The following PUM2 variants were observed in gnomAD, a reference collection of about 807,000 sequenced individuals.
PUM2 encodes the protein pumilio RNA binding family member 2.
A neutral mutation model predicts 124.5 loss-of-function variants in PUM2; 57 were observed. The ratio of observed to expected loss-of-function variants is 0.46; its 90% CI spans 0.37 to 0.57. The LOEUF is 0.57. Ranked by LOEUF, PUM2 falls within the 20% of genes least tolerant of loss-of-function variation. PUM2 has a pLI of 0.00. For synonymous variants in PUM2, 460 were observed against 446.1 expected (o/e 1.03, Z -0.39); for missense variants, 1,065 against 1,290.6 (o/e 0.83, Z 2.68).
Position 20,256,084 on chromosome 2 carries a change from T to C in PUM2, c.2571A>G (p.Glu857=). The part of the protein sequence containing the change: ...NGNHVVQKCI[E]CVQPQSLQFI... The stretch of plus-strand genomic sequence containing the variant: ...ACTGTAGTGACTGTGGCTGAACACA[T>C]TCGATACATTTTTGTACAACATGGT... The change falls in exon 17 of 21, where the codon GAA becomes GAG. Residue 857 remains glutamate, a synonymous_variant. Coordinates refer to ENST00000361078, the MANE Select transcript of PUM2 (RefSeq NM_015317.5). The C allele has an allele frequency of 6.2e-7, 1 of 1,601,884 alleles. No homozygotes were observed. The highest frequency in any genetic ancestry group is 8.5e-7 in the Non-Finnish European group (1 of 1,175,844).
chr2:20,349,233 C>A (rs1464500900), intron 1 of PUM2, among the ~76,000 whole-genome samples: 1 of 152,140 alleles, frequency 6.6e-6, no homozygotes, highest in Non-Finnish European at 1.5e-5. Context: ...AATAGCTAGA[C>A]CTGTAAACAA....
rs1220266539 is a variant in PUM2, at chr2:20,249,863, A to G, written c.*1722T>C. 1.3e-5 allele frequency: 2 copies of G among 152,652 alleles called. No individual in the cohort carries two copies. The highest frequency in any genetic ancestry group is 4.8e-5 in the African/African-American group (2 of 41,468). The allele number at this position is 152,652 out of a possible 1,614,324, so 9.5% of individuals were successfully genotyped here. ...TTTTTTCCAAAATATTTTCATAGGC[A>G]AAGGATTAAAAACGATTTTAATTAT... On this transcript the variant is annotated 3_prime_UTR_variant, in exon 21 of 21. Transcript: ENST00000361078.
At chr2:20,260,974 G>A (rs1403133273) in intron 14 of PUM2, among the ~76,000 whole-genome samples, 5 of 152,130 alleles carry the variant, frequency 3.3e-5, no homozygotes, top group Non-Finnish European at 7.4e-5. Context: ...CATATACAAT[G>A]GTGGTCCCAT....
At chr2:20,345,609 C>T (rs1324959185) in intron 1 of PUM2, among the ~76,000 whole-genome samples, 2 of 152,160 alleles carry the variant, frequency 1.3e-5, no homozygotes, top group Non-Finnish European at 2.9e-5. Flanking sequence ...CACAGTGGCT[C>T]ACGCCTGTAA....
At position 20,254,941 on chromosome 2, in the gene PUM2, C is replaced by G; in HGVS notation, c.2792G>C (p.Gly931Ala). 6.2e-7 allele frequency: 1 copy of G among 1,613,794 alleles called. No homozygotes were observed. The highest frequency in any genetic ancestry group is 8.5e-7 in the Non-Finnish European group (1 of 1,179,770). The change falls in exon 19 of 21, where the codon GGT becomes GCT. Residue 931 changes from glycine (G) to alanine (A), a missense_variant. This residue lies in a region of PUM2 where 968 missense variants were observed against 1,159.8 expected (regional missense o/e 0.83). Coordinates refer to ENST00000361078, the MANE Select transcript of PUM2 (RefSeq NM_015317.5). ...NYVIQHVLEH[G>A]RPEDKSKIVS... ...AATTTTGCTCTTGTCTTCAGGTCGA[C>G]CGTGTTCCAGTACATGCTGAATAAC... is the stretch of plus-strand genomic sequence containing the variant.
At chr2:20,255,014 C>G in intron 18 of PUM2, 30 bp from the exon 19 acceptor site, 2 of 1,590,392 alleles carry the variant, frequency 1.3e-6, no homozygotes, top group South Asian at 2.3e-5. Context: ...ATTACTTTCC[C>G]TAAGTCATTC....
Position 20,283,218 on chromosome 2 carries a change from T to G in PUM2, c.1449A>C (p.Ala483=). ...TAAGGCTACTTGCAGTTCCTCCAGC[T>G]GCTGCTGCTGCTGCTGTAAAATAAA... ...SAAAQAAAAA[A]AGGTASSLTG... is the part of the protein sequence containing the mutation. Residue 483 remains alanine, a synonymous_variant, in exon 12 of 21, where the codon GCA becomes GCC. Coordinates refer to ENST00000361078, the MANE Select transcript of PUM2 (RefSeq NM_015317.5). 8.1e-6 allele frequency: 13 copies of G among 1,606,200 alleles called. No individual in the cohort carries two copies. Among genetic ancestry groups the G allele is most frequent in the Non-Finnish European group, 1.1e-5 (13 of 1,174,868 alleles).
chr2:20,330,222 G>A (rs755048958), intron 1 of PUM2, among the ~76,000 whole-genome samples: 7 of 152,154 alleles, frequency 4.6e-5, no homozygotes, highest in Admixed American at 1.3e-4. Context: ...TTTTACACCT[G>A]CGGAAAATAT....
rs184520583 is a variant in PUM2 at position 20,297,567 on chromosome 2, G to A, written c.995C>T (p.Ala332Val). 5.0e-6 allele frequency: 8 copies of A among 1,601,064 alleles called. No individual in the cohort carries two copies. The Admixed American group carries it at 1.2e-4, about 24-fold the overall frequency. Residue 332 changes from alanine to valine, a missense_variant, in exon 8 of 21, where the codon GCA becomes GTA. Transcript: ENST00000361078. ...TAGTATGTTACCTGCTAATGTAGCT[G>A]CTGCAGCCAATCCTGCTGCAGTATA... ...DPYTAAGLAA[A>V]ATLAGPAVVP... is the part of the protein sequence containing the mutation.
chr2:20,333,512 A>T (rs1432803991), intron 1 of PUM2, among the ~76,000 whole-genome samples: 1 of 152,138 alleles, frequency 6.6e-6, no homozygotes, highest in African/African-American at 2.4e-5. Flanking sequence ...GTCTCAAAAA[A>T]AGAAAAGCAA....
chr2:20,260,277 C>T, intron 15 of PUM2, 60 bp downstream of exon 15: 1 of 1,442,464 alleles, frequency 6.9e-7, no homozygotes. Flanking sequence ...CAGAGCTTTT[C>T]TTAGCATCAA....
At chr2:20,314,258 C>T (rs945413986) in intron 3 of PUM2, among the ~76,000 whole-genome samples, 6 of 152,080 alleles carry the variant, frequency 3.9e-5, no homozygotes, top group Non-Finnish European at 7.4e-5. Context: ...ACGACTATAA[C>T]GCTATAATCA....
intron 10 of PUM2, among the ~76,000 whole-genome samples, chr2:20,287,754 GA>G (rs1158119248): frequency 5.9e-5 from 9 of 152,194 alleles, no homozygotes; most frequent in Non-Finnish European, 1.3e-4. Flanking sequence ...GAATGGTAGA[GA>G]ATTGGCAAGT....
intron 3 of PUM2, among the ~76,000 whole-genome samples, chr2:20,314,835 T>C (rs893308137): frequency 6.6e-6 from 1 of 152,170 alleles, no homozygotes; most frequent in African/African-American, 2.4e-5. Context: ...CAACACAGTT[T>C]GTCCTCAAGA....
chr2:20,304,745 C>G (rs537054459), intron 7 of PUM2, among the ~76,000 whole-genome samples: 1 of 152,114 alleles, frequency 6.6e-6, no homozygotes, highest in African/African-American at 2.4e-5. Context: ...GACTTGAGAT[C>G]AGCTATATTT....
Position 20,347,791 on chromosome 2 carries a change from A to G in PUM2, c.-19+2806T>C, listed in dbSNP as rs115621716. Among the ~76,000 whole-genome samples, 1,079 of 152,300 alleles carry G rather than the reference A, an allele frequency of 7.1e-3. 20 individuals carry two copies. The highest frequency in any genetic ancestry group is 0.025 in the African/African-American group (1,042 of 41,564). Reference sequence around the variant, plus strand: ...TCCAAACACACTCCATAATTATTCTAACCCAGTCACAAGTAGCACTGGACA... The same window carrying G: ...TCCAAACACACTCCATAATTATTCTGACCCAGTCACAAGTAGCACTGGACA... On this transcript the variant is annotated intron_variant, in intron 1 of 20. Coordinates refer to ENST00000361078, the MANE Select transcript of PUM2 (RefSeq NM_015317.5).
chr2:20,293,714 AT>A (rs1228846586), intron 9 of PUM2, among the ~76,000 whole-genome samples: 2 of 152,080 alleles, frequency 1.3e-5, no homozygotes, highest in Non-Finnish European at 2.9e-5. Flanking sequence ...AAAAATAAAA[AT>A]AAAATAAAAT....
chr2:20,345,310 A>C (rs562946893), intron 1 of PUM2, among the ~76,000 whole-genome samples: 1 of 151,898 alleles, frequency 6.6e-6, no homozygotes, highest in East Asian at 2.0e-4. Flanking sequence ...AGGTCTCCCT[A>C]TGCTGGCCAG....
At chr2:20,294,229 C>A in intron 9 of PUM2, 147 bp downstream of exon 9, 1 of 771,314 alleles carries the variant, frequency 1.3e-6, no homozygotes, top group Non-Finnish European at 2.0e-6. Flanking sequence ...AATAAAATCC[C>A]ATGCATAAAT....
Sources: allele counts gnomAD v4.1 joint callset (sites outside exome capture counted in the v4.1 genomes callset), GRCh38; gene constraint gnomAD v4.1.1; regional missense constraint gnomAD v4.1.1; transcripts MANE v1.5; gene names NCBI Gene and HGNC (gene_info 2026-07-23, HGNC 2026-07-21).